FGGY: variants seen among roughly 807,000 people sequenced by gnomAD.
The protein encoded by FGGY is FGGY carbohydrate kinase domain-containing protein.
In FGGY, 72 loss-of-function variants were observed where a neutral mutation model predicts 71.3. That is an observed-to-expected ratio of 1.01 (90% CI 0.84 to 1.23). FGGY has a LOEUF of 1.23. FGGY is among the 50% of genes most tolerant of loss of function. The pLI is 0.00. For synonymous variants in FGGY, 251 were observed against 250.3 expected (o/e 1.00, Z -0.02); for missense variants, 668 against 682.3 (o/e 0.98, Z 0.23).
At chr1:59,543,506 C>G (rs1012857591) in intron 7 of FGGY, among the ~76,000 whole-genome samples, 4 of 152,190 alleles carry the variant, frequency 2.6e-5, no homozygotes, top group Non-Finnish European at 5.9e-5. Context: ...TTTATAGAAA[C>G]TTGGCCTGGT....
At chr1:59,452,522 C>T (rs1160969336) in intron 5 of FGGY, among the ~76,000 whole-genome samples, 1 of 152,184 alleles carries the variant, frequency 6.6e-6, no homozygotes, top group Non-Finnish European at 1.5e-5. Flanking sequence ...ATTTCTACTT[C>T]TGTGGGACTT....
At chr1:59,397,665 G>A (rs917669199) in intron 5 of FGGY, among the ~76,000 whole-genome samples, 2 of 135,776 alleles carry the variant, frequency 1.5e-5, no homozygotes, top group Non-Finnish European at 2.9e-5. Context: ...TTCACAGGTG[G>A]GTGGGTGGTT....
intron 5 of FGGY, among the ~76,000 whole-genome samples, chr1:59,443,465 C>A (rs191119684): frequency 2.6e-5 from 4 of 152,182 alleles, no homozygotes; most frequent in Admixed American, 2.6e-4. Context: ...CAACTAGTGG[C>A]TTTAGAATAG....
chr1:59,709,441 G>A (rs922577862), intron 14 of FGGY, among the ~76,000 whole-genome samples: 2 of 149,160 alleles, frequency 1.3e-5, no homozygotes, highest in Admixed American at 1.4e-4. Flanking sequence ...ATGAGATTTA[G>A]GTGGAGACAC....
chr1:59,460,686 C>T (rs2092118237), intron 6 of FGGY, among the ~76,000 whole-genome samples: 1 of 152,180 alleles, frequency 6.6e-6, no homozygotes, highest in African/African-American at 2.4e-5. Flanking sequence ...CTGGGTGCCC[C>T]TCTGGGATGA....
intron 4 of FGGY, among the ~76,000 whole-genome samples, chr1:59,369,382 G>T (rs1462368611): frequency 6.6e-6 from 1 of 152,210 alleles, no homozygotes; most frequent in Non-Finnish European, 1.5e-5. Context: ...CATTGCCCAG[G>T]CTTGCTTAGG....
intron 14 of FGGY, among the ~76,000 whole-genome samples, chr1:59,681,876 G>A (rs1263584461): frequency 6.6e-6 from 1 of 152,052 alleles, no homozygotes; most frequent in Non-Finnish European, 1.5e-5. Flanking sequence ...AAGGTACAGT[G>A]TCTTAAAAGA....
At chr1:59,651,177 G>C (rs538436753) in intron 11 of FGGY, among the ~76,000 whole-genome samples, 28 of 151,958 alleles carry the variant, frequency 1.8e-4, no homozygotes, top group African/African-American at 6.8e-4. Context: ...CCAACTATGT[G>C]GTCAATTTTG....
chr1:59,720,321 A>G (rs188610548), intron 14 of FGGY, among the ~76,000 whole-genome samples: 40 of 152,300 alleles, frequency 2.6e-4, no homozygotes, highest in Admixed American at 2.5e-3. Flanking sequence ...AAAGCCAAGT[A>G]TGTCAGGGGG....
intron 6 of FGGY, among the ~76,000 whole-genome samples, chr1:59,458,807 C>T (rs562190602): frequency 1.1e-4 from 16 of 152,168 alleles, no homozygotes; most frequent in Non-Finnish European, 2.2e-4. Flanking sequence ...CGCTTCTGGA[C>T]ACTTGAGCTT....
chr1:59,324,997 G>A (rs946941654), intron 2 of FGGY, among the ~76,000 whole-genome samples: 2 of 152,108 alleles, frequency 1.3e-5, no homozygotes, highest in Non-Finnish European at 2.9e-5. Context: ...ATATATCTCT[G>A]TTGTTTACAT....
chr1:59,631,116 C>T (rs1343325263), intron 10 of FGGY, among the ~76,000 whole-genome samples: 1 of 152,154 alleles, frequency 6.6e-6, no homozygotes, highest in South Asian at 2.1e-4. Flanking sequence ...CTTTTTCCTC[C>T]TTTTAACATT....
intron 13 of FGGY, 43 bp downstream of exon 13, chr1:59,667,446 C>T: frequency 6.2e-7 from 1 of 1,605,818 alleles, no homozygotes. Flanking sequence ...TTTGGCTTGG[C>T]AGCAAATGGG....
At chr1:59,584,985 G>A (rs2096259404) in intron 8 of FGGY, among the ~76,000 whole-genome samples, 1 of 152,022 alleles carries the variant, frequency 6.6e-6, no homozygotes, top group South Asian at 2.1e-4. Flanking sequence ...CCTCATCAAG[G>A]AGAACTACAA....
At chr1:59,618,272 G>A (rs1358024608) in intron 9 of FGGY, among the ~76,000 whole-genome samples, 1 of 152,086 alleles carries the variant, frequency 6.6e-6, no homozygotes, top group East Asian at 1.9e-4. Flanking sequence ...ATATTTTTAG[G>A]CCCATTAGGA....
chr1:59,658,551 A>G (rs954687942), intron 11 of FGGY, among the ~76,000 whole-genome samples: 1 of 152,218 alleles, frequency 6.6e-6, no homozygotes, highest in Non-Finnish European at 1.5e-5. Context: ...GGAGCATAGG[A>G]TACAGAGTGA....
chr1:59,655,275 GTTTAC>G (rs2097207850), intron 11 of FGGY, among the ~76,000 whole-genome samples: 2 of 152,152 alleles, frequency 1.3e-5, no homozygotes, highest in African/African-American at 4.8e-5. Flanking sequence ...ACTTTTGTAA[GTTTAC>G]TTTACGTTCT....
intron 8 of FGGY, among the ~76,000 whole-genome samples, chr1:59,592,611 A>T (rs1047902198): frequency 2.0e-5 from 3 of 152,206 alleles, no homozygotes; most frequent in African/African-American, 7.2e-5. Flanking sequence ...AGCCATGAAA[A>T]TTGATGAGTT....
At chr1:59,627,489 T>TATATATATATATATATAC (rs1469493501) in intron 10 of FGGY, among the ~76,000 whole-genome samples, 14 of 92,768 alleles carry the variant, frequency 1.5e-4, no homozygotes, top group African/African-American at 5.6e-4. Flanking sequence ...TATATATATA[T>TATATATATATATATATAC]ACACACACAC....
Sources: gnomAD v4.1 joint callset for allele counts (sites outside exome capture counted in the v4.1 genomes callset) on GRCh38, gnomAD v4.1.1 for gene constraint, MANE v1.5 for transcripts, NCBI Gene and HGNC (gene_info 2026-07-23, HGNC 2026-07-21) for gene names.